Variants in ARID1B observed in about 807,000 individuals in gnomAD.
The protein encoded by ARID1B is AT-rich interaction domain 1B, also known as AT-rich interactive domain-containing protein 1B.
In ARID1B, 30 loss-of-function variants were observed where a neutral mutation model predicts 212.3. That is an observed-to-expected ratio of 0.14 (90% CI 0.11 to 0.19). The LOEUF is 0.19. Ranked by LOEUF, ARID1B falls within the 10% of genes least tolerant of loss-of-function variation. The probability of loss-of-function intolerance (pLI) is 1.00; values close to 1 mark genes in which losing one functional copy is unlikely to be tolerated. For synonymous variants in ARID1B, 1,402 were observed against 1,301.7 expected (o/e 1.08, Z -1.66); for missense variants, 2,891 against 3,204.0 (o/e 0.90, Z 2.36).
In ARID1B at chr6:156,920,861, C is replaced by CTTT. The variant is rs375978825; in HGVS notation, c.2137-14595_2137-14593dup. On this transcript the variant is annotated intron_variant, in intron 3 of 19. Transcript: ENST00000636930. ...TCTCTTTTTCTTGTTCTTTTCTTTT[C>CTTT]TTTTTTTTTTTTGACAGAGTTTCAC... 1.6e-3 allele frequency among the ~76,000 whole-genome samples: 231 copies of CTTT among 144,078 alleles called. 3 individuals carry two copies. The highest frequency in any genetic ancestry group is 5.7e-3 in the African/African-American group (224 of 39,568). 94.5% of individuals were successfully genotyped at this position (144,078 alleles called of 152,430 possible).
At chr6:157,042,543 T>G (rs1420249325) in intron 4 of ARID1B, among the ~76,000 whole-genome samples, 1 of 152,004 alleles carries the variant, frequency 6.6e-6, no homozygotes, top group Non-Finnish European at 1.5e-5. Context: ...TAAAATGAAT[T>G]ACAAGGATAA....
At chr6:157,027,450 A>T (rs1241679659) in intron 4 of ARID1B, among the ~76,000 whole-genome samples, 1 of 152,216 alleles carries the variant, frequency 6.6e-6, no homozygotes, top group Non-Finnish European at 1.5e-5. Flanking sequence ...CTGTTTTGGT[A>T]GAAGTATTTT....
At chr6:157,197,714 G>GT (rs934568198) in intron 16 of ARID1B, among the ~76,000 whole-genome samples, 138 of 152,234 alleles carry the variant, frequency 9.1e-4, no homozygotes, top group African/African-American at 2.9e-3. Flanking sequence ...AGCTACAGAT[G>GT]TTTTTTTGGG....
At chr6:157,021,689 C>T (rs998810480) in intron 4 of ARID1B, among the ~76,000 whole-genome samples, 7 of 152,264 alleles carry the variant, frequency 4.6e-5, no homozygotes, top group South Asian at 2.1e-4. Context: ...CATTCCTTTC[C>T]GGGCAAGCGC....
At chr6:157,017,133 A>C (rs1779960355) in intron 4 of ARID1B, among the ~76,000 whole-genome samples, 1 of 152,232 alleles carries the variant, frequency 6.6e-6, no homozygotes, top group South Asian at 2.1e-4. Context: ...TGCTCTAGAC[A>C]AACCTACACC....
chr6:157,121,147 TC>T (rs1787684486), intron 6 of ARID1B, among the ~76,000 whole-genome samples: 1 of 152,230 alleles, frequency 6.6e-6, no homozygotes, highest in African/African-American at 2.4e-5. Context: ...TCCCCAAATT[TC>T]CTAGTTTTGC....
At chr6:157,102,115 G>C (rs1786084219) in intron 5 of ARID1B, among the ~76,000 whole-genome samples, 1 of 152,110 alleles carries the variant, frequency 6.6e-6, no homozygotes, top group African/African-American at 2.4e-5. Context: ...TAGTGTTCTT[G>C]TTCTTTTTCT....
intron 1 of ARID1B, among the ~76,000 whole-genome samples, chr6:156,785,423 T>G (rs1390212313): frequency 6.6e-6 from 1 of 152,210 alleles, no homozygotes; most frequent in Non-Finnish European, 1.5e-5. Flanking sequence ...CAGGTGACTC[T>G]GGAAGGGAAG....
intron 11 of ARID1B, among the ~76,000 whole-genome samples, chr6:157,178,273 GA>G (rs543085984): frequency 7.4e-5 from 11 of 149,094 alleles, no homozygotes; most frequent in East Asian, 5.9e-4. Flanking sequence ...ATCACTCATG[GA>G]AAAAAAAAAT....
intron 4 of ARID1B, among the ~76,000 whole-genome samples, chr6:156,993,044 G>A (rs1044412739): frequency 3.7e-5 from 5 of 135,318 alleles, no homozygotes; most frequent in African/African-American, 1.5e-4. Context: ...ATATGCTTTC[G>A]CTTTTTTTTT....
chr6:157,017,963 CAAAAAA>C (rs112983063), intron 4 of ARID1B, among the ~76,000 whole-genome samples: 8 of 97,316 alleles, frequency 8.2e-5, no homozygotes, highest in African/African-American at 3.0e-4. Flanking sequence ...ACCATCTCTA[CAAAAAA>C]AAAAAAAAAA....
rs770913233 is a variant in ARID1B, at chr6:157,084,929, T to A, written c.2491+24T>A. 31 of 1,582,336 alleles carry A rather than the reference T, an allele frequency of 2.0e-5. No individual in the cohort carries two copies. The East Asian group carries it at 6.7e-4, about 34-fold the overall frequency. On this transcript the variant is annotated intron_variant, in intron 5 of 19. Transcript: ENST00000636930. ...AGGTATTTACTTTCCTGACAATTAT[T>A]ATTTTACTTTGTGATAAAGAGAGAT...
At chr6:157,003,113 G>A (rs1192865259) in intron 4 of ARID1B, among the ~76,000 whole-genome samples, 1 of 152,252 alleles carries the variant, frequency 6.6e-6, no homozygotes, top group Non-Finnish European at 1.5e-5. Flanking sequence ...TGAAGCTCCT[G>A]TGAGGAGGTT....
intron 1 of ARID1B, among the ~76,000 whole-genome samples, chr6:156,815,208 C>T (rs1035974344): frequency 5.3e-5 from 8 of 152,072 alleles, no homozygotes; most frequent in African/African-American, 1.9e-4. Flanking sequence ...TAAGATAGTG[C>T]TCTTTTTATC....
rs1248518541 is a variant in ARID1B, at chr6:157,203,206, T to G, written c.5264-660T>G. On this transcript the variant is annotated intron_variant, in intron 18 of 19. Coordinates refer to ENST00000636930, the MANE Select transcript of ARID1B (RefSeq NM_001374828.1). The surrounding 1 kb of genome is among the most constrained non-coding windows in gnomAD (Gnocchi z 4.4). ...TGGCAAATCTTCCAAACTTTCTACC[T>G]GATCATTTTGTTTCCTTCAGTAGCA... is the stretch of plus-strand genomic sequence containing the variant. 3.3e-5 allele frequency among the ~76,000 whole-genome samples: 5 copies of G among 152,206 alleles called. No individual in the cohort carries two copies. The highest frequency in any genetic ancestry group is 7.2e-5 in the African/African-American group (3 of 41,442).
At chr6:156,912,436 T>C (rs1789971522) in intron 3 of ARID1B, among the ~76,000 whole-genome samples, 1 of 152,048 alleles carries the variant, frequency 6.6e-6, no homozygotes, top group Non-Finnish European at 1.5e-5. Flanking sequence ...AAATCCACTT[T>C]TGTGCCCACT....
Position 156,834,332 on chromosome 6 carries a change from A to G in ARID1B, c.1986+4911A>G, listed in dbSNP as rs1562421415. On this transcript the variant is annotated intron_variant, in intron 2 of 19. Transcript: ENST00000636930. ...GTGTGTCCAGGATGAGAAAGGATAG[A>G]TAACTTGACTAAGTATAATGGAGAG... Among the ~76,000 whole-genome samples the G allele has an allele frequency of 1.3e-5, 2 of 152,184 alleles. 1 individual carries two copies. The highest frequency in any genetic ancestry group is 1.3e-4 in the Admixed American group (2 of 15,280).
At chr6:157,193,338 G>A (rs1793511489) in intron 15 of ARID1B, 1 of 152,186 alleles carries the variant, frequency 6.6e-6, no homozygotes, top group Non-Finnish European at 1.5e-5. Flanking sequence ...CCTAGAAGTA[G>A]AATTGTTGAA....
At chr6:156,781,543 C>T (rs975662171) in intron 1 of ARID1B, among the ~76,000 whole-genome samples, 2 of 152,048 alleles carry the variant, frequency 1.3e-5, no homozygotes, top group Non-Finnish European at 2.9e-5. Flanking sequence ...ACCTTAGAGA[C>T]TTGTCAGAGT....
Sources: gnomAD v4.1 joint callset for allele counts (sites outside exome capture counted in the v4.1 genomes callset) on GRCh38, gnomAD v4.1.1 for gene constraint, Gnocchi (gnomAD v3.1) non-coding constraint, MANE v1.5 for transcripts, NCBI Gene and HGNC (gene_info 2026-07-23, HGNC 2026-07-21) for gene names.